The following VWA8 variants were observed in gnomAD, a reference collection of about 807,000 sequenced individuals.
VWA8 encodes the protein von Willebrand factor A domain containing 8, also known as von Willebrand factor A domain-containing protein 8.
Under a neutral mutation model 241.5 loss-of-function variants are expected in VWA8, and 221 were observed. The ratio of observed to expected loss-of-function variants is 0.91; its 90% CI spans 0.82 to 1.02. The LOEUF (loss-of-function observed/expected upper bound fraction) is 1.02. VWA8 is among the 50% of genes least tolerant of loss of function. The probability of loss-of-function intolerance (pLI) is 0.00; values close to 1 mark genes in which losing one functional copy is unlikely to be tolerated. For synonymous variants in VWA8, 852 were observed against 827.1 expected, an observed-to-expected ratio of 1.03 and a Z score of -0.52; for missense variants, 2,322 against 2,328.7, an observed-to-expected ratio of 1.00 and a Z score of 0.06.
intron 2 of VWA8, among the ~76,000 whole-genome samples, chr13:41,944,742 T>A (rs8002221): frequency 2.6e-5 from 4 of 152,178 alleles, no homozygotes; most frequent in Admixed American, 2.0e-4. Flanking sequence ...GGCAGCTCCC[T>A]GAAATGCTCC....
intron 1 of VWA8, among the ~76,000 whole-genome samples, chr13:41,950,911 C>T (rs191829450): frequency 1.5e-4 from 22 of 143,990 alleles, no homozygotes; most frequent in African/African-American, 4.9e-4. Context: ...TCAAGTGATC[C>T]GCCCACCTCG....
intron 21 of VWA8, among the ~76,000 whole-genome samples, chr13:41,739,737 T>C (rs960104091): frequency 2.6e-5 from 4 of 151,838 alleles, no homozygotes; most frequent in African/African-American, 9.7e-5. Flanking sequence ...AATTGCATCA[T>C]AGGAAAAACA....
At chr13:41,736,045 T>G (rs996184438) in intron 21 of VWA8, among the ~76,000 whole-genome samples, 1 of 152,130 alleles carries the variant, frequency 6.6e-6, no homozygotes, top group South Asian at 2.1e-4. Flanking sequence ...TGTAAGCTAA[T>G]GAAAATTTAG....
intron 20 of VWA8, among the ~76,000 whole-genome samples, chr13:41,761,693 T>G (rs1016631433): frequency 6.6e-6 from 1 of 152,086 alleles, no homozygotes; most frequent in Admixed American, 6.6e-5. Context: ...TTTATCCCAT[T>G]TTCCAGTCCT....
chr13:41,873,835 G>A, intron 9 of VWA8, among the ~76,000 whole-genome samples: 1 of 152,170 alleles, frequency 6.6e-6, no homozygotes, highest in Admixed American at 6.6e-5. Context: ...CTCATTTTAT[G>A]AGGCCAGCAC....
chr13:41,721,362 A>G lies in VWA8; in HGVS notation c.2964+8T>C. 1 of 1,612,760 alleles carries G rather than the reference A, an allele frequency of 6.2e-7. No individual in the cohort carries two copies. On this transcript the variant is annotated splice_region_variant and intron_variant, in intron 25 of 44. Coordinates refer to ENST00000379310, the MANE Select transcript of VWA8 (RefSeq NM_015058.2). ...TGGCTCTTAGGTACAGGTGTGTGCC[A>G]TACCTACCTGTAAATGTTTGACTAT...
At chr13:41,819,528 A>G (rs867624911) in intron 14 of VWA8, 142 bp from the exon 15 acceptor site, 1 of 940,916 alleles carries the variant, frequency 1.1e-6, no homozygotes, top group Middle Eastern at 3.3e-4. Flanking sequence ...AGCTTTGAAA[A>G]AAACAAAGTC....
At chr13:41,841,531 A>G (rs987058728) in intron 12 of VWA8, among the ~76,000 whole-genome samples, 10 of 151,830 alleles carry the variant, frequency 6.6e-5, no homozygotes, top group African/African-American at 2.2e-4. Flanking sequence ...TCACGCCTGT[A>G]ATCCCAGCAC....
At chr13:41,716,177 TG>T (rs916986184) in intron 26 of VWA8, among the ~76,000 whole-genome samples, 1 of 151,950 alleles carries the variant, frequency 6.6e-6, no homozygotes, top group African/African-American at 2.4e-5. Flanking sequence ...TACTAAGGTC[TG>T]GGAATATATT....
chr13:41,738,053 G>A (rs2045539019), intron 21 of VWA8, among the ~76,000 whole-genome samples: 2 of 152,064 alleles, frequency 1.3e-5, no homozygotes, highest in Admixed American at 6.6e-5. Flanking sequence ...GAAGAAATAC[G>A]ATAGTGTAAA....
intron 21 of VWA8, among the ~76,000 whole-genome samples, chr13:41,734,714 C>G (rs2045512051): frequency 6.6e-6 from 1 of 152,212 alleles, no homozygotes; most frequent in Non-Finnish European, 1.5e-5. Context: ...CACCATAATC[C>G]TGGCTCTCCT....
At chr13:41,823,469 CAG>C (rs1195113892) in intron 14 of VWA8, among the ~76,000 whole-genome samples, 3 of 152,076 alleles carry the variant, frequency 2.0e-5, no homozygotes, top group Non-Finnish European at 2.9e-5. Context: ...CTGTTAATAA[CAG>C]AAACTCTCAA....
At chr13:41,623,771 G>A (rs1237997416) in intron 37 of VWA8, among the ~76,000 whole-genome samples, 2 of 152,122 alleles carry the variant, frequency 1.3e-5, no homozygotes, top group African/African-American at 4.8e-5. Flanking sequence ...GGAGGATATT[G>A]TGTAAAAGGG....
At chr13:41,959,604 TGC>T in intron 1 of VWA8, among the ~76,000 whole-genome samples, 2 of 117,222 alleles carry the variant, frequency 1.7e-5, no homozygotes, top group Non-Finnish European at 3.5e-5. Context: ...GACCTAAATA[TGC>T]TTTTTTTTTT....
chr13:41,793,632 T>G (rs921815670), intron 17 of VWA8, among the ~76,000 whole-genome samples: 11 of 151,964 alleles, frequency 7.2e-5, no homozygotes, highest in Non-Finnish European at 1.5e-4. Flanking sequence ...GCCAACATGG[T>G]GAAACCCCAT....
At chr13:41,869,631 CAAAAAAAAAAAAA>C (rs532296102) in intron 9 of VWA8, among the ~76,000 whole-genome samples, 1,773 of 40,400 alleles carry the variant, frequency 0.044, 30 homozygotes, top group Middle Eastern at 0.21. Context: ...AACTTTGTCT[CAAAAAAAAAAAAA>C]AAAAAAAAAA....
At chr13:41,750,019 A>T (rs2045642925) in intron 21 of VWA8, among the ~76,000 whole-genome samples, 1 of 152,132 alleles carries the variant, frequency 6.6e-6, no homozygotes, top group African/African-American at 2.4e-5. Context: ...AACTTAAAGT[A>T]TATTAAAAAA....
chr13:41,944,209 T>TA (rs1314491483), intron 2 of VWA8, among the ~76,000 whole-genome samples: 1 of 151,804 alleles, frequency 6.6e-6, no homozygotes, highest in Non-Finnish European at 1.5e-5. Context: ...CATTCCTTCT[T>TA]AAAAAAACAA....
chr13:41,871,785 T>C (rs1442148038), intron 9 of VWA8, among the ~76,000 whole-genome samples: 3 of 152,332 alleles, frequency 2.0e-5, no homozygotes, highest in Non-Finnish European at 4.4e-5. Flanking sequence ...TGTGTCTTTA[T>C]AGCAGCATGA....
Sources: gnomAD v4.1 joint callset for allele counts (sites outside exome capture counted in the v4.1 genomes callset) on GRCh38, gnomAD v4.1.1 for gene constraint, MANE v1.5 for transcripts, NCBI Gene and HGNC (gene_info 2026-07-23, HGNC 2026-07-21) for gene names.